The following RBFOX1 variants were observed in gnomAD, a reference collection of about 807,000 sequenced individuals.
RBFOX1 encodes the protein RNA binding fox-1 homolog 1.
Under a neutral mutation model 57.7 loss-of-function variants are expected in RBFOX1, and 8 were observed. The ratio of observed to expected loss-of-function variants is 0.14; its 90% CI spans 0.08 to 0.25. The LOEUF is 0.25. RBFOX1 is among the 10% of genes least tolerant of loss of function. The pLI is 1.00. For synonymous variants in RBFOX1, 326 were observed against 222.4 expected (o/e 1.47, Z -4.15); for missense variants, 611 against 548.5 (o/e 1.11, Z -1.14).
intron 4 of RBFOX1, among the ~76,000 whole-genome samples, chr16:7,244,188 T>C (rs2152985638): frequency 7.2e-6 from 1 of 138,330 alleles, no homozygotes; most frequent in East Asian, 2.1e-4. Context: ...TAAACATTTA[T>C]AATAATATAT....
intron 1 of RBFOX1, among the ~76,000 whole-genome samples, chr16:6,161,431 A>G (rs1232282278): frequency 2.0e-5 from 3 of 151,616 alleles, no homozygotes; most frequent in Non-Finnish European, 4.4e-5. Context: ...TCAGTAAATT[A>G]TCTTACTCTC....
At chr16:7,475,001 C>G (rs2062349759) in intron 4 of RBFOX1, among the ~76,000 whole-genome samples, 1 of 152,178 alleles carries the variant, frequency 6.6e-6, no homozygotes, top group African/African-American at 2.4e-5. Context: ...GGATGGTACT[C>G]TAGATGGTTC....
In RBFOX1 at chr16:6,747,863, A is replaced by T. The variant is rs556587945; in HGVS notation, c.-16+93213A>T. Among the ~76,000 whole-genome samples the T allele has an allele frequency of 2.6e-5, 4 of 152,298 alleles. No homozygotes were observed. In the South Asian group the frequency reaches 8.3e-4, roughly 32 times the overall value. ...GTCATTTTTCTGACATAAAACTTTCATAGGCAATCCATACCTTATGGCTTC... is the reference window on the plus strand; with the variant it reads ...GTCATTTTTCTGACATAAAACTTTCTTAGGCAATCCATACCTTATGGCTTC... On this transcript the variant is annotated intron_variant, in intron 3 of 15. Transcript: ENST00000550418.
At chr16:7,540,374 G>A (rs2082603076) in intron 5 of RBFOX1, among the ~76,000 whole-genome samples, 1 of 152,272 alleles carries the variant, frequency 6.6e-6, no homozygotes, top group African/African-American at 2.4e-5. Context: ...TGTACAGATT[G>A]CCTGACTTCA....
At position 5,388,522 on chromosome 16, in the gene RBFOX1, C is replaced by G. The variant is rs527483114; in HGVS notation, c.220-78694C>G. Among the ~76,000 whole-genome samples, 77 of 152,074 alleles carry G rather than the reference C, an allele frequency of 5.1e-4. 1 individual carries two copies. Among genetic ancestry groups the G allele is most frequent in the African/African-American group, 1.8e-3 (76 of 41,498 alleles). On this transcript the variant is annotated intron_variant, in intron 1 of 2. Transcript: ENST00000585867. Reference sequence around the variant, plus strand: ...ACACATACTGTGAGCTGGATTTGGCCTGTGGTTTGCTGTGGCCACTTTAAG... The same window carrying G: ...ACACATACTGTGAGCTGGATTTGGCGTGTGGTTTGCTGTGGCCACTTTAAG...
At chr16:5,959,334 C>T (rs2059705559) in intron 4 of RBFOX1, among the ~76,000 whole-genome samples, 1 of 152,222 alleles carries the variant, frequency 6.6e-6, no homozygotes, top group South Asian at 2.1e-4. Context: ...GCCTGAATCT[C>T]TCAGTTGTCT....
intron 1 of RBFOX1, among the ~76,000 whole-genome samples, chr16:5,256,536 T>A (rs1227147530): frequency 6.6e-6 from 1 of 152,204 alleles, no homozygotes; most frequent in African/African-American, 2.4e-5. Flanking sequence ...GAGAGCTCTT[T>A]GAAAATGAAA....
chr16:5,758,630 C>T (rs777397899), intron 3 of RBFOX1, among the ~76,000 whole-genome samples: 2 of 152,136 alleles, frequency 1.3e-5, no homozygotes, highest in Non-Finnish European at 2.9e-5. Context: ...AAATTAAGAC[C>T]TCAGAATAGG....
At chr16:7,365,713 A>G (rs2097430082) in intron 4 of RBFOX1, among the ~76,000 whole-genome samples, 1 of 152,236 alleles carries the variant, frequency 6.6e-6, no homozygotes, top group Non-Finnish European at 1.5e-5. Flanking sequence ...TATAGCACCC[A>G]AAATATCAAG....
chr16:7,193,558 T>A (rs553123437), intron 4 of RBFOX1, among the ~76,000 whole-genome samples: 64 of 152,358 alleles, frequency 4.2e-4, no homozygotes, highest in Middle Eastern at 3.4e-3. Flanking sequence ...ACGTGCCAGA[T>A]GCTCTTATGA....
intron 3 of RBFOX1, among the ~76,000 whole-genome samples, chr16:6,968,012 G>C (rs1296475276): frequency 6.6e-6 from 1 of 152,170 alleles, no homozygotes; most frequent in Non-Finnish European, 1.5e-5. Context: ...TGCTGCCTCT[G>C]CTCTTGTAAG....
chr16:6,328,700 G>C (rs537557464), intron 2 of RBFOX1, among the ~76,000 whole-genome samples: 86 of 152,146 alleles, frequency 5.7e-4, no homozygotes, highest in African/African-American at 2.0e-3. Flanking sequence ...GATGGCAATA[G>C]GAAACCATAG....
At chr16:6,167,183 C>A (rs1018178948) in intron 1 of RBFOX1, among the ~76,000 whole-genome samples, 2 of 152,232 alleles carry the variant, frequency 1.3e-5, no homozygotes, top group Admixed American at 6.5e-5. Context: ...ATGGGAAGAG[C>A]CGAAACACGC....
intron 3 of RBFOX1, among the ~76,000 whole-genome samples, chr16:7,001,582 G>C (rs1187645401): frequency 1.3e-5 from 2 of 151,950 alleles, no homozygotes. Flanking sequence ...TCAGCCTCCC[G>C]AGTAGCTGGG....
At chr16:5,690,248 A>T (rs940469779) in intron 3 of RBFOX1, among the ~76,000 whole-genome samples, 15 of 152,212 alleles carry the variant, frequency 9.9e-5, no homozygotes, top group African/African-American at 2.7e-4. Context: ...AATGCATGTT[A>T]TTGTCATCAC....
At position 5,420,475 on chromosome 16, in the gene RBFOX1, C is replaced by T. The variant is rs568368030; in HGVS notation, c.220-46741C>T. On this transcript the variant is annotated intron_variant, in intron 1 of 2. Coordinates refer to the RBFOX1 transcript ENST00000585867. ...ACACACACACTCATACACTCATGTA[C>T]ACACAGACTGCATCCACTTTGTTTT... Among the ~76,000 whole-genome samples, 13 of 152,210 alleles carry T rather than the reference C, an allele frequency of 8.5e-5. No homozygotes were observed. The South Asian group carries it at 2.3e-3, about 27-fold the overall frequency.
At chr16:5,254,205 A>G (rs2062526713) in intron 1 of RBFOX1, among the ~76,000 whole-genome samples, 1 of 152,204 alleles carries the variant, frequency 6.6e-6, no homozygotes, top group African/African-American at 2.4e-5. Context: ...CTTGCTCAGT[A>G]TTAGATAGTG....
intron 2 of RBFOX1, among the ~76,000 whole-genome samples, chr16:6,646,458 C>T (rs1315964988): frequency 6.6e-6 from 1 of 152,024 alleles, no homozygotes; most frequent in African/African-American, 2.4e-5. Flanking sequence ...CCAGATCGCT[C>T]TTTTCTGTCG....
intron 3 of RBFOX1, among the ~76,000 whole-genome samples, chr16:5,605,195 G>A (rs1014425310): frequency 2.6e-5 from 4 of 152,218 alleles, no homozygotes; most frequent in African/African-American, 9.6e-5. Context: ...TGAAGAAAGA[G>A]ATGGGGCAGA....
Sources: gnomAD v4.1 joint callset for allele counts (sites outside exome capture counted in the v4.1 genomes callset) on GRCh38, gnomAD v4.1.1 for gene constraint, MANE v1.5 for transcripts, NCBI Gene and HGNC (gene_info 2026-07-23, HGNC 2026-07-21) for gene names.